MCC: variants seen among roughly 807,000 people sequenced by gnomAD.
The protein encoded by MCC is MCC regulator of Wnt signaling pathway.
In MCC, 90 loss-of-function variants were observed where a neutral mutation model predicts 116.2. The observed-to-expected ratio is 0.77, with a 90% CI of 0.65 to 0.92. The LOEUF is 0.92. MCC is among the 40% of genes least tolerant of loss of function. MCC has a pLI of 0.00. For missense variants in MCC, 1,516 were observed against 1,312.2 expected (o/e 1.16, Z -2.40); for synonymous variants, 578 against 510.5 (o/e 1.13, Z -1.78).
rs78328010 is a variant in MCC, at chr5:113,149,679, T to C, written c.741+1630A>G. 2.1e-3 allele frequency among the ~76,000 whole-genome samples: 313 copies of C among 152,218 alleles called. 9 individuals are homozygous for C. The East Asian group carries it at 0.048, about 23-fold the overall frequency. ...GCTATAGCAGCCATCTTTCCAGATA[T>C]TAATTTAATACCAGCCTGGTATTAA... On this transcript the variant is annotated intron_variant, in intron 4 of 18. Transcript: ENST00000408903.
At chr5:113,402,243 G>A (rs1259744016) in intron 1 of MCC, among the ~76,000 whole-genome samples, 1 of 147,244 alleles carries the variant, frequency 6.8e-6, no homozygotes, top group African/African-American at 2.6e-5. Flanking sequence ...GCAGTGAGCT[G>A]AGATTGCGCC....
chr5:113,303,736 T>G (rs1195193445), intron 3 of MCC, among the ~76,000 whole-genome samples: 1 of 152,100 alleles, frequency 6.6e-6, no homozygotes, highest in Non-Finnish European at 1.5e-5. Context: ...CACTGCAACC[T>G]CCACCTCCCA....
intron 6 of MCC, among the ~76,000 whole-genome samples, chr5:113,111,448 G>T (rs1757092160): frequency 6.6e-6 from 1 of 152,186 alleles, no homozygotes. Flanking sequence ...GCCGGGGTGG[G>T]TTCCCATCCA....
intron 3 of MCC, among the ~76,000 whole-genome samples, chr5:113,152,088 T>TGACGCTGTGAAAAGACAAAC (rs1490958369): frequency 6.6e-6 from 1 of 152,172 alleles, no homozygotes; most frequent in Non-Finnish European, 1.5e-5. Flanking sequence ...CTCTGACAAA[T>TGACGCTGTGAAAAGACAAAC]GACGCTGTGA....
intron 3 of MCC, among the ~76,000 whole-genome samples, chr5:113,329,429 T>TACAC (rs756983039): frequency 3.5e-5 from 5 of 142,798 alleles, no homozygotes; most frequent in African/African-American, 1.5e-4. Flanking sequence ...CATACATATA[T>TACAC]ACACACATAC....
chr5:113,102,213 C>T (rs937398999), intron 7 of MCC, among the ~76,000 whole-genome samples: 2 of 152,218 alleles, frequency 1.3e-5, no homozygotes, highest in Admixed American at 6.5e-5. Flanking sequence ...GCAGCTGAGT[C>T]TGTCTGTGGT....
intron 5 of MCC, among the ~76,000 whole-genome samples, chr5:113,127,791 T>C (rs1045359349): frequency 1.3e-5 from 2 of 152,242 alleles, no homozygotes; most frequent in Non-Finnish European, 1.5e-5. Context: ...ATTGTGTAAG[T>C]TGTCTGTTTA....
At chr5:113,266,034 T>G (rs554751496) in intron 3 of MCC, among the ~76,000 whole-genome samples, 38 of 152,308 alleles carry the variant, frequency 2.5e-4, no homozygotes, top group African/African-American at 7.7e-4. Context: ...ACAAGGCTAA[T>G]AAGACCCTCA....
At chr5:113,217,997 C>T (rs1249392375) in intron 3 of MCC, among the ~76,000 whole-genome samples, 1 of 151,714 alleles carries the variant, frequency 6.6e-6, no homozygotes, top group African/African-American at 2.4e-5. Flanking sequence ...TTGATCTGTC[C>T]CATGCTGACC....
At position 113,424,132 on chromosome 5, in the gene MCC, TACACACACAC is replaced by T. The variant is rs547192248; in HGVS notation, c.171-38930_171-38921del. Among the ~76,000 whole-genome samples, 385 of 112,704 alleles carry T rather than the reference TACACACACAC, an allele frequency of 3.4e-3. 3 individuals are homozygous for T. The highest frequency in any genetic ancestry group is 0.011 in the African/African-American group (327 of 29,278). 73.9% of individuals were successfully genotyped at this position (112,704 alleles called of 152,430 possible). ...TCCCACTGGTCAAAAAGTCATCCTC[TACACACACAC>T]ACACACACACACACACACACACACA... On this transcript the variant is annotated intron_variant, in intron 1 of 18. Transcript: ENST00000408903.
At chr5:113,152,370 T>C (rs1336356245) in intron 3 of MCC, among the ~76,000 whole-genome samples, 1 of 152,182 alleles carries the variant, frequency 6.6e-6, no homozygotes, top group Admixed American at 6.5e-5. Flanking sequence ...GAAACGTCCT[T>C]TGAAACCTTG....
chr5:113,045,654 C>T (rs1752021751), intron 16 of MCC, among the ~76,000 whole-genome samples: 1 of 151,996 alleles, frequency 6.6e-6, no homozygotes, highest in African/African-American at 2.4e-5. Context: ...ACAAAATTAA[C>T]CAGGCATGGT....
At chr5:113,077,104 T>G (rs1274218253) in intron 11 of MCC, among the ~76,000 whole-genome samples, 3 of 152,106 alleles carry the variant, frequency 2.0e-5, no homozygotes, top group Non-Finnish European at 4.4e-5. Context: ...CAAGAAGAGC[T>G]AACTATCCTA....
intron 3 of MCC, among the ~76,000 whole-genome samples, chr5:113,292,182 A>T (rs983854763): frequency 2.6e-5 from 4 of 152,172 alleles, no homozygotes; most frequent in Non-Finnish European, 5.9e-5. Flanking sequence ...CAGTGAGCCG[A>T]GATTGCACCA....
rs1164407505 is a variant in MCC at position 113,434,043 on chromosome 5, A to AGCCC, written c.171-48832_171-48831insGGGC. 2.5e-6 allele frequency: 4 copies of AGCCC among 1,613,902 alleles called. No individual in the cohort carries two copies. The highest frequency in any genetic ancestry group is 3.4e-6 in the Non-Finnish European group (4 of 1,179,916). On this transcript the variant is annotated intron_variant, in intron 1 of 18. Transcript: ENST00000408903. This position sits in a 1 kb window ranked among gnomAD's most constrained non-coding sequence, Gnocchi z 4.2. ...GGGCTGCATCCAGCAGTGGCTGAGG[A>AGCCC]TCTCGTCGATGTGGAGCCGCCGGTT... is the stretch of plus-strand genomic sequence containing the variant.
intron 3 of MCC, among the ~76,000 whole-genome samples, chr5:113,157,579 G>A (rs1447081046): frequency 6.6e-6 from 1 of 152,220 alleles, no homozygotes; most frequent in African/African-American, 2.4e-5. Flanking sequence ...TTGTTGGGAA[G>A]TGAGTTCATC....
chr5:113,299,019 T>A (rs1250022740), intron 3 of MCC, among the ~76,000 whole-genome samples: 1 of 152,062 alleles, frequency 6.6e-6, no homozygotes, highest in Non-Finnish European at 1.5e-5. Flanking sequence ...CCGGATGCAG[T>A]GGCTCACACC....
At chr5:113,408,076 T>C (rs1295840323) in intron 1 of MCC, among the ~76,000 whole-genome samples, 1 of 152,134 alleles carries the variant, frequency 6.6e-6, no homozygotes, top group African/African-American at 2.4e-5. Flanking sequence ...TCTCCTGATA[T>C]AACCCCAGCA....
At chr5:113,411,969 C>G (rs1172977346) in intron 1 of MCC, among the ~76,000 whole-genome samples, 3 of 152,174 alleles carry the variant, frequency 2.0e-5, no homozygotes, top group African/African-American at 7.2e-5. Context: ...GGAAGGGATC[C>G]AGTTTCAGCT....
Sources: allele counts gnomAD v4.1 joint callset (sites outside exome capture counted in the v4.1 genomes callset), GRCh38; gene constraint gnomAD v4.1.1; non-coding constraint Gnocchi (gnomAD v3.1); transcripts MANE v1.5; gene names NCBI Gene and HGNC (gene_info 2026-07-23, HGNC 2026-07-21).